The following PLXNA4 variants were observed in gnomAD, a reference collection of about 807,000 sequenced individuals.
PLXNA4 encodes the protein plexin A4.
PLXNA4 carries 44 observed loss-of-function variants against 191.8 expected under a neutral mutation model. That is an observed-to-expected ratio of 0.23 (90% CI 0.18 to 0.29). The LOEUF (loss-of-function observed/expected upper bound fraction) is 0.29. PLXNA4 is among the 10% of genes least tolerant of loss of function. PLXNA4 has a pLI of 1.00. For missense variants in PLXNA4, 1,800 were observed against 2,488.8 expected (o/e 0.72, Z 5.89); for synonymous variants, 1,082 against 1,009.5 (o/e 1.07, Z -1.36).
At chr7:132,291,653 C>T (rs567794704) in intron 4 of PLXNA4, among the ~76,000 whole-genome samples, 3 of 152,326 alleles carry the variant, frequency 2.0e-5, no homozygotes, top group African/African-American at 7.2e-5. Context: ...TCTCTACCTC[C>T]ATTAGTCATA....
intron 18 of PLXNA4, 128 bp downstream of exon 18, chr7:132,181,253 G>A: frequency 6.7e-7 from 1 of 1,488,822 alleles, no homozygotes; most frequent in African/African-American, 1.4e-5. Flanking sequence ...ATCACACTCT[G>A]GGCTACACTG....
chr7:132,146,700 T>C lies in PLXNA4; in HGVS notation c.4865A>G (p.Glu1622Gly), dbSNP rs1467447484. ...TVSRTSASKY[E>G]NMIRYTGSPD... ...GCTGCCCGTGTACCGGATCATGTTTTCTGCCAAGGCAAGGATCACCCCCCG... is the reference window on the plus strand; with the variant it reads ...GCTGCCCGTGTACCGGATCATGTTTCCTGCCAAGGCAAGGATCACCCCCCG... Residue 1622 changes from glutamate (E) to glycine (G), a missense_variant and splice_region_variant, in exon 28 of 32, where the codon GAA becomes GGA. Glu to Gly is a moderately conservative substitution (Grantham distance 98). Coordinates refer to ENST00000321063, the MANE Select transcript of PLXNA4 (RefSeq NM_020911.2). 1.9e-6 allele frequency: 3 copies of C among 1,613,992 alleles called. No homozygotes were observed. Among genetic ancestry groups the C allele is most frequent in the Non-Finnish European group, 2.5e-6 (3 of 1,179,860 alleles).
chr7:132,178,289 CTGCTCTAGTGGGGTGAAGG>C (rs371066517), intron 20 of PLXNA4, among the ~76,000 whole-genome samples: 77 of 152,256 alleles, frequency 5.1e-4, no homozygotes, highest in African/African-American at 1.7e-3. Flanking sequence ...GGTATGGAGG[CTGCTCTAGTGGGGTGAAGG>C]TGCTCTAGTG....
At chr7:132,536,228 G>A (rs759242227) in intron 1 of PLXNA4, among the ~76,000 whole-genome samples, 10 of 152,130 alleles carry the variant, frequency 6.6e-5, no homozygotes, top group Admixed American at 2.6e-4. Flanking sequence ...TGGTGTTTGC[G>A]GTTATTATTG....
intron 3 of PLXNA4, among the ~76,000 whole-genome samples, chr7:132,321,905 C>A (rs556140518): frequency 5.3e-5 from 8 of 152,064 alleles, no homozygotes; most frequent in Non-Finnish European, 8.8e-5. Flanking sequence ...AAACTCCACC[C>A]CCAGAAGAAG....
intron 3 of PLXNA4, among the ~76,000 whole-genome samples, chr7:132,437,533 A>C (rs1278503725): frequency 6.6e-6 from 1 of 151,104 alleles, no homozygotes; most frequent in East Asian, 1.9e-4. Flanking sequence ...GCTCGGGATC[A>C]CAAATGGAAG....
At chr7:132,140,112 A>G (rs1009180072) in intron 30 of PLXNA4, among the ~76,000 whole-genome samples, 3 of 152,190 alleles carry the variant, frequency 2.0e-5, no homozygotes, top group African/African-American at 7.2e-5. Context: ...GAGTCAAGGG[A>G]TGGGGAGAGT....
At chr7:132,446,189 A>G (rs901154820) in intron 3 of PLXNA4, among the ~76,000 whole-genome samples, 1 of 152,214 alleles carries the variant, frequency 6.6e-6, no homozygotes, top group Non-Finnish European at 1.5e-5. Flanking sequence ...TAAACAAGAA[A>G]TTGCATGTAG....
intron 1 of PLXNA4, among the ~76,000 whole-genome samples, chr7:132,511,261 C>T (rs546122980): frequency 1.3e-5 from 2 of 152,338 alleles, no homozygotes; most frequent in East Asian, 3.9e-4. Flanking sequence ...ATCCTCACCA[C>T]TGTTCCCTGG....
At chr7:132,502,320 C>T (rs1232723974) in intron 2 of PLXNA4, among the ~76,000 whole-genome samples, 1 of 152,172 alleles carries the variant, frequency 6.6e-6, no homozygotes, top group East Asian at 1.9e-4. Context: ...CCATCGCCAC[C>T]CAGTCATGCA....
chr7:132,569,151 C>T (rs1283273930), intron 1 of PLXNA4, among the ~76,000 whole-genome samples: 2 of 152,232 alleles, frequency 1.3e-5, no homozygotes, highest in Non-Finnish European at 2.9e-5. Context: ...GCTGGCTGTG[C>T]CTCACCACCA....
chr7:132,229,776 T>G (rs1477571562), intron 5 of PLXNA4, among the ~76,000 whole-genome samples: 1 of 151,978 alleles, frequency 6.6e-6, no homozygotes, highest in Admixed American at 6.6e-5. Flanking sequence ...AGGGAACGAC[T>G]GTCTCAGGAA....
At chr7:132,624,443 G>T (rs1803331273) in intron 2 of PLXNA4, among the ~76,000 whole-genome samples, 1 of 152,204 alleles carries the variant, frequency 6.6e-6, no homozygotes, top group South Asian at 2.1e-4. Context: ...AGATCACAGA[G>T]CCCATGCCAA....
intron 1 of PLXNA4, among the ~76,000 whole-genome samples, chr7:132,567,221 C>T (rs1801772147): frequency 6.6e-6 from 1 of 152,174 alleles, no homozygotes; most frequent in African/African-American, 2.4e-5. Flanking sequence ...CTTACTTGGT[C>T]ACAGAATGCT....
chr7:132,181,849 G>A (rs1042475433), intron 17 of PLXNA4, among the ~76,000 whole-genome samples: 1 of 152,198 alleles, frequency 6.6e-6, no homozygotes, highest in Non-Finnish European at 1.5e-5. Context: ...TTGGAAGAAT[G>A]CAAGAGTAAA....
At chr7:132,259,337 G>A (rs1222516358) in intron 4 of PLXNA4, among the ~76,000 whole-genome samples, 1 of 150,204 alleles carries the variant, frequency 6.7e-6, no homozygotes, top group African/African-American at 2.4e-5. Context: ...TTGGGAGGCT[G>A]AGGCAGGATA....
At chr7:132,223,458 G>A in intron 9 of PLXNA4, 69 bp downstream of exon 9, 1 of 1,332,682 alleles carries the variant, frequency 7.5e-7, no homozygotes, top group Non-Finnish European at 1.1e-6. Context: ...CCTCTTAAGG[G>A]AATGCCTCTC....
At chr7:132,385,220 C>T (rs1805071746) in intron 3 of PLXNA4, 2 of 1,614,064 alleles carry the variant, frequency 1.2e-6, no homozygotes, top group Non-Finnish European at 1.7e-6. Context: ...AACAGGAGTT[C>T]CAGAGTCACT....
chr7:132,352,427 C>G (rs1439875436), intron 3 of PLXNA4: 1 of 152,266 alleles, frequency 6.6e-6, no homozygotes, highest in African/African-American at 2.4e-5. Flanking sequence ...CCTCCTGCTT[C>G]CAAGCTGCCG....
Sources: allele counts gnomAD v4.1 joint callset (sites outside exome capture counted in the v4.1 genomes callset), GRCh38; gene constraint gnomAD v4.1.1; transcripts MANE v1.5; gene names NCBI Gene and HGNC (gene_info 2026-07-23, HGNC 2026-07-21).